Variants in MAP2K4 observed in about 807,000 individuals in gnomAD.
MAP2K4 encodes the protein dual specificity mitogen-activated protein kinase kinase 4.
A neutral mutation model predicts 48.5 loss-of-function variants in MAP2K4; 4 were observed. The observed-to-expected ratio is 0.08, with a 90% CI of 0.04 to 0.19. The LOEUF (loss-of-function observed/expected upper bound fraction) is 0.19. MAP2K4 is among the 10% of genes least tolerant of loss of function. The pLI is 1.00. For missense variants in MAP2K4, 258 were observed against 493.3 expected (o/e 0.52, Z 4.52); for synonymous variants, 166 against 173.1 (o/e 0.96, Z 0.32).
intron 1 of MAP2K4, among the ~76,000 whole-genome samples, chr17:12,040,482 G>A (rs746451616): frequency 5.9e-5 from 9 of 152,092 alleles, no homozygotes; most frequent in African/African-American, 7.2e-5. Context: ...GAGTTGACCC[G>A]TTCATTAGGG....
intron 8 of MAP2K4, among the ~76,000 whole-genome samples, chr17:12,126,622 G>T (rs529796936): frequency 1.3e-5 from 2 of 152,184 alleles, no homozygotes; most frequent in East Asian, 1.9e-4. Flanking sequence ...TTCCACCCTC[G>T]TGACCCCATC....
intron 1 of MAP2K4, among the ~76,000 whole-genome samples, chr17:12,027,522 T>TA (rs1042071496): frequency 1.3e-5 from 2 of 151,950 alleles, no homozygotes; most frequent in African/African-American, 2.4e-5. Context: ...TTCAAACATT[T>TA]AAAAAAAGAG....
chr17:12,134,877 C>A (rs377408697), intron 9 of MAP2K4, among the ~76,000 whole-genome samples: 3 of 152,276 alleles, frequency 2.0e-5, no homozygotes, highest in Admixed American at 6.5e-5. Flanking sequence ...TGCACTGAAA[C>A]TACTAAAATG....
At chr17:12,129,900 A>G (rs1267999307) in intron 9 of MAP2K4, among the ~76,000 whole-genome samples, 3 of 152,244 alleles carry the variant, frequency 2.0e-5, no homozygotes, top group Non-Finnish European at 4.4e-5. Context: ...AAGAATAAAC[A>G]TATGCAGATA....
At chr17:12,032,042 T>A (rs1460807337) in intron 1 of MAP2K4, among the ~76,000 whole-genome samples, 16 of 152,198 alleles carry the variant, frequency 1.1e-4, no homozygotes, top group Admixed American at 1.0e-3. Flanking sequence ...TGCAACACAA[T>A]TTAAACTTGA....
chr17:12,113,473 C>A (rs1972375321), intron 7 of MAP2K4, 113 bp downstream of exon 7: 1 of 1,325,580 alleles, frequency 7.5e-7, no homozygotes, highest in Non-Finnish European at 1.0e-6. Context: ...AGAATATTTC[C>A]CTTACCCTAA....
intron 2 of MAP2K4, among the ~76,000 whole-genome samples, chr17:12,060,300 CATTGA>C (rs987168623): frequency 2.6e-5 from 4 of 152,090 alleles, no homozygotes; most frequent in African/African-American, 9.7e-5. Flanking sequence ...TCAATTTAGG[CATTGA>C]ATTAGAATAG....
At chr17:12,112,068 A>G (rs1312453634) in intron 6 of MAP2K4, among the ~76,000 whole-genome samples, 1 of 152,192 alleles carries the variant, frequency 6.6e-6, no homozygotes, top group Non-Finnish European at 1.5e-5. Context: ...ATCAAGAAGC[A>G]TGAGACTACC....
intron 2 of MAP2K4, among the ~76,000 whole-genome samples, chr17:12,078,430 G>A (rs1214094246): frequency 1.3e-5 from 2 of 152,150 alleles, no homozygotes; most frequent in African/African-American, 2.4e-5. Context: ...TATGTGAGAT[G>A]TTTTGATATG....
chr17:12,023,949 C>T (rs1376392661), intron 1 of MAP2K4, among the ~76,000 whole-genome samples: 2 of 152,128 alleles, frequency 1.3e-5, no homozygotes, highest in South Asian at 2.1e-4. Context: ...TTGTTAGTAG[C>T]GACAATATTG....
At chr17:12,113,811 G>A (rs979853707) in intron 7 of MAP2K4, among the ~76,000 whole-genome samples, 1 of 152,068 alleles carries the variant, frequency 6.6e-6, no homozygotes, top group African/African-American at 2.4e-5. Context: ...AAATGCAAAG[G>A]TAGAGGCCTT....
intron 1 of MAP2K4, among the ~76,000 whole-genome samples, chr17:12,031,146 A>T (rs1486957799): frequency 6.6e-6 from 1 of 152,200 alleles, no homozygotes; most frequent in Non-Finnish European, 1.5e-5. Flanking sequence ...TGAAGTCTCC[A>T]TTCTCACTTC....
intron 7 of MAP2K4, among the ~76,000 whole-genome samples, chr17:12,117,421 G>A (rs1487604872): frequency 6.6e-6 from 1 of 151,196 alleles, no homozygotes; most frequent in East Asian, 2.0e-4. Flanking sequence ...AAAAAAAAAA[G>A]ACCCTTGTGG....
chr17:12,026,171 T>A (rs1014932467), intron 1 of MAP2K4, among the ~76,000 whole-genome samples: 43 of 152,210 alleles, frequency 2.8e-4, no homozygotes, highest in African/African-American at 9.7e-4. Flanking sequence ...TTTCTCACAT[T>A]TTCCTTTAAA....
chr17:12,113,034 T>C (rs1042199667), intron 6 of MAP2K4, 199 bp from the exon 7 acceptor site: 3 of 439,972 alleles, frequency 6.8e-6, no homozygotes, highest in South Asian at 4.4e-5. Flanking sequence ...TACACAATTA[T>C]AGTTATTAAA....
chr17:12,070,378 C>CT (rs1206611801), intron 2 of MAP2K4, among the ~76,000 whole-genome samples: 1 of 152,102 alleles, frequency 6.6e-6, no homozygotes, highest in East Asian at 1.9e-4. Flanking sequence ...TCTTAGCGTA[C>CT]TTACCTAAGT....
chr17:12,085,192 T>A (rs894218065), intron 3 of MAP2K4, among the ~76,000 whole-genome samples: 1 of 152,010 alleles, frequency 6.6e-6, no homozygotes, highest in Non-Finnish European at 1.5e-5. Context: ...CGTGAAAAAG[T>A]AAGAATGAAA....
At chr17:12,115,546 G>A in intron 7 of MAP2K4, 2 of 677,090 alleles carry the variant, frequency 3.0e-6, no homozygotes, top group South Asian at 2.9e-5. Context: ...GCCGGAGAAA[G>A]ATGGAAGACT....
In MAP2K4 at chr17:12,081,211, A is replaced by G; in HGVS notation, c.219-145A>G. ...ATCCAGTGTGTAAAAAACCAGGATG[A>G]CACAAATGAAAAACTTCAAAAACCT... is the stretch of plus-strand genomic sequence containing the variant. On this transcript the variant is annotated intron_variant, in intron 2 of 10. Coordinates refer to ENST00000353533, the MANE Select transcript of MAP2K4 (RefSeq NM_003010.4). This position sits in a 1 kb window ranked among gnomAD's most constrained non-coding sequence, Gnocchi z 4.2. The G allele has an allele frequency of 3.5e-6, 2 of 568,006 alleles. No homozygotes were observed. Among genetic ancestry groups the G allele is most frequent in the Non-Finnish European group, 6.1e-6 (2 of 328,636 alleles). 35.2% of individuals were successfully genotyped at this position (568,006 alleles called of 1,614,324 possible). A position where few individuals can be genotyped will look rare whatever the true frequency, so the allele number is the denominator to read the frequency against.
Sources: gnomAD v4.1 joint callset for allele counts (sites outside exome capture counted in the v4.1 genomes callset) on GRCh38, gnomAD v4.1.1 for gene constraint, Gnocchi (gnomAD v3.1) non-coding constraint, MANE v1.5 for transcripts, NCBI Gene and HGNC (gene_info 2026-07-23, HGNC 2026-07-21) for gene names.